FHOD3: variants seen among roughly 807,000 people sequenced by gnomAD.
FHOD3 encodes FH1/FH2 domain-containing protein 3.
Under a neutral mutation model 173.0 loss-of-function variants are expected in FHOD3, and 90 were observed. That is an observed-to-expected ratio of 0.52 (90% CI 0.44 to 0.62). FHOD3 has a LOEUF of 0.62. Ranked by LOEUF, FHOD3 falls within the 20% of genes least tolerant of loss-of-function variation. FHOD3 has a pLI of 0.00. For synonymous variants in FHOD3, 828 were observed against 823.0 expected, an observed-to-expected ratio of 1.01 and a Z score of -0.10; for missense variants, 1,945 against 2,034.7, an observed-to-expected ratio of 0.96 and a Z score of 0.85.
In FHOD3 at chr18:36,410,506, T is replaced by C. The variant is rs550555316; in HGVS notation, c.337+37762T>C. On this transcript the variant is annotated intron_variant, in intron 3 of 28. Coordinates refer to ENST00000590592, the MANE Select transcript of FHOD3 (RefSeq NM_001281740.3). The stretch of plus-strand genomic sequence containing the variant: ...TGTGTTTTTACATTGCCTAGGCATG[T>C]ACCTAGAATGGGATGGTTAGATCAG... 1.8e-4 allele frequency among the ~76,000 whole-genome samples: 28 copies of C among 152,312 alleles called. 1 individual carries two copies. Among genetic ancestry groups the C allele is most frequent in the African/African-American group, 6.0e-4 (25 of 41,530 alleles).
intron 3 of FHOD3, among the ~76,000 whole-genome samples, chr18:36,472,586 C>CTTTT (rs2053343919): frequency 1.3e-5 from 2 of 152,148 alleles, no homozygotes; most frequent in Non-Finnish European, 2.9e-5. Flanking sequence ...TCCTCCCCAG[C>CTTTT]CCTAGGTAGC....
chr18:36,340,916 C>T (rs563204596), intron 1 of FHOD3, among the ~76,000 whole-genome samples: 5 of 152,262 alleles, frequency 3.3e-5, no homozygotes, highest in East Asian at 1.9e-4. Context: ...GGATTACAGG[C>T]GTGAGCCACC....
chr18:36,738,301 G>C (rs544878759), intron 20 of FHOD3, among the ~76,000 whole-genome samples: 2 of 152,308 alleles, frequency 1.3e-5, no homozygotes, highest in South Asian at 4.1e-4. Flanking sequence ...ATGTACAAGT[G>C]TTTGTGTCAA....
chr18:36,534,423 G>A (rs2056909720), intron 5 of FHOD3, among the ~76,000 whole-genome samples: 1 of 152,120 alleles, frequency 6.6e-6, no homozygotes, highest in Non-Finnish European at 1.5e-5. Flanking sequence ...AGAGGAACTG[G>A]TCCCCAACAA....
chr18:36,477,573 A>G (rs1348483029), intron 3 of FHOD3, among the ~76,000 whole-genome samples: 1 of 136,342 alleles, frequency 7.3e-6, no homozygotes, highest in Admixed American at 7.8e-5. Flanking sequence ...CTACCTACCT[A>G]CCTACCTACC....
At chr18:36,696,853 C>T (rs1427636103) in intron 17 of FHOD3, among the ~76,000 whole-genome samples, 1 of 152,202 alleles carries the variant, frequency 6.6e-6, no homozygotes, top group Non-Finnish European at 1.5e-5. Context: ...TCAGCCAGCC[C>T]AAAGTTTGGG....
intron 3 of FHOD3, among the ~76,000 whole-genome samples, chr18:36,457,211 T>C (rs2052270242): frequency 6.6e-6 from 1 of 152,124 alleles, no homozygotes; most frequent in Admixed American, 6.5e-5. Flanking sequence ...TGGTGCCCAC[T>C]CAGAAGACTT....
rs755728970 is a variant in FHOD3 at position 36,602,686 on chromosome 18, G to T, written c.731G>T (p.Trp244Leu). The T allele has an allele frequency of 3.1e-6, 5 of 1,613,810 alleles. No individual in the cohort carries two copies. The highest frequency in any genetic ancestry group is 4.2e-6 in the Non-Finnish European group (5 of 1,179,726). The change falls in exon 8 of 29, where the codon TGG becomes TTG. Residue 244 changes from tryptophan to leucine, a missense_variant. Around this residue, in one of 5 missense-constraint regions of FHOD3, gnomAD observed 1,099 missense variants for 1,051.2 expected, o/e 1.05. Coordinates refer to ENST00000590592, the MANE Select transcript of FHOD3 (RefSeq NM_001281740.3). ...GCTTTACTCATAGGGGTCAAACCTT[G>T]GTCAAATATCATGGAAATCCTGGAG... Reference protein sequence around the residue: ...AVDTKRGVKPWSNIMEILEEK... With the variant: ...AVDTKRGVKPLSNIMEILEEK...
intron 3 of FHOD3, among the ~76,000 whole-genome samples, chr18:36,414,342 C>A (rs772863684): frequency 6.6e-6 from 1 of 152,218 alleles, no homozygotes; most frequent in Non-Finnish European, 1.5e-5. Context: ...AGATTGAAAA[C>A]CAAATCCTAC....
Position 36,298,120 on chromosome 18 carries a change from C to T in FHOD3, c.165+120C>T, listed in dbSNP as rs4438379. On this transcript the variant is annotated intron_variant, in intron 1 of 28. Coordinates refer to ENST00000590592, the MANE Select transcript of FHOD3 (RefSeq NM_001281740.3). ...CTGGGCTGGGCGCGGCCCGGGGGGA[C>T]CATCGCTCGAGGGCAAATCCCCCTC... 304,249 of 875,096 alleles carry T rather than the reference C, an allele frequency of 0.35. 59,418 individuals are homozygous for T. The highest frequency in any genetic ancestry group is 0.39 in the Non-Finnish European group (245,554 of 623,840). The allele number at this position is 875,096 out of a possible 1,614,324, so 54.2% of individuals were successfully genotyped here. A position where few individuals can be genotyped will look rare whatever the true frequency, so the allele number is the denominator to read the frequency against.
chr18:36,371,707 C>T (rs897765968), intron 2 of FHOD3, among the ~76,000 whole-genome samples: 3 of 152,184 alleles, frequency 2.0e-5, no homozygotes, highest in Non-Finnish European at 2.9e-5. Context: ...GTATTAGTAG[C>T]GTGCCTTGGT....
chr18:36,312,394 C>T lies in FHOD3; in HGVS notation c.165+14394C>T, dbSNP rs376835076. 9.9e-5 allele frequency among the ~76,000 whole-genome samples: 15 copies of T among 152,168 alleles called. No individual in the cohort carries two copies. In the East Asian group the frequency reaches 1.9e-3, roughly 20 times the overall value. On this transcript the variant is annotated intron_variant, in intron 1 of 28. Coordinates refer to ENST00000590592, the MANE Select transcript of FHOD3 (RefSeq NM_001281740.3). ...TCTGACGACCCCCTAGAGCTGACCC[C>T]TGGCTCAGCTCTCTCTGGGCTCTGA... is the stretch of plus-strand genomic sequence containing the variant.
Position 36,717,984 on chromosome 18 carries a change from C to G in FHOD3, c.2686C>G (p.Gln896Glu). The change falls in exon 19 of 29, where the codon CAG (glutamine) becomes GAG (glutamate). Residue 896 changes from glutamine (Q) to glutamate (E), a missense_variant. This residue lies in a region of FHOD3 where 1,099 missense variants were observed against 1,051.2 expected (regional missense o/e 1.05). Coordinates refer to ENST00000590592, the MANE Select transcript of FHOD3 (RefSeq NM_001281740.3). ...EKGDGEAGRT[Q>E]QEAEAVASLA... ...GGGGGATGGGGAGGCTGGGAGGACCCAGCAGGAGGCAGAGGCGGTAGCCAG... is the reference window on the plus strand; with the variant it reads ...GGGGGATGGGGAGGCTGGGAGGACCGAGCAGGAGGCAGAGGCGGTAGCCAG... The G allele has an allele frequency of 1.2e-6, 2 of 1,613,340 alleles. No individual in the cohort carries two copies. Among genetic ancestry groups the G allele is most frequent in the South Asian group, 2.2e-5 (2 of 90,898 alleles).
intron 6 of FHOD3, among the ~76,000 whole-genome samples, chr18:36,582,772 A>G (rs1168042954): frequency 6.6e-6 from 1 of 152,242 alleles, no homozygotes; most frequent in East Asian, 1.9e-4. Context: ...TCATTCTTCC[A>G]CAAATCCCAC....
intron 20 of FHOD3, among the ~76,000 whole-genome samples, chr18:36,737,650 G>A (rs2041705309): frequency 6.6e-6 from 1 of 152,184 alleles, no homozygotes; most frequent in Non-Finnish European, 1.5e-5. Flanking sequence ...CAGCCTGAAT[G>A]CACATCTGCA....
intron 3 of FHOD3, among the ~76,000 whole-genome samples, chr18:36,381,712 T>C (rs1461004765): frequency 6.6e-6 from 1 of 152,212 alleles, no homozygotes; most frequent in Non-Finnish European, 1.5e-5. Flanking sequence ...TTATTTGTTG[T>C]TAAAGAAAGA....
chr18:36,515,044 C>T (rs150311408), intron 5 of FHOD3, among the ~76,000 whole-genome samples: 1 of 152,288 alleles, frequency 6.6e-6, no homozygotes, highest in Non-Finnish European at 1.5e-5. Flanking sequence ...CTCCCACCAG[C>T]GGCCTGCAGG....
rs965697522 is a variant in FHOD3 at position 36,407,072 on chromosome 18, T to C, written c.337+34328T>C. On this transcript the variant is annotated intron_variant, in intron 3 of 28. Coordinates refer to ENST00000590592, the MANE Select transcript of FHOD3 (RefSeq NM_001281740.3). ...GACCAACTGATCAGTGGTAAAGATA[T>C]GCCTGCTGTCCTCTGCTTTCCCTGT... is the stretch of plus-strand genomic sequence containing the variant. Among the ~76,000 whole-genome samples, 4 of 152,328 alleles carry C rather than the reference T, an allele frequency of 2.6e-5. No homozygotes were observed. The East Asian group carries it at 7.7e-4, about 29-fold the overall frequency.
intron 5 of FHOD3, among the ~76,000 whole-genome samples, chr18:36,546,769 T>C (rs1398183447): frequency 1.3e-5 from 2 of 152,194 alleles, no homozygotes; most frequent in Non-Finnish European, 1.5e-5. Flanking sequence ...TTACCAGAGC[T>C]GTGAGGGGAC....
Sources: allele counts gnomAD v4.1 joint callset (sites outside exome capture counted in the v4.1 genomes callset), GRCh38; gene constraint gnomAD v4.1.1; regional missense constraint gnomAD v4.1.1; transcripts MANE v1.5; gene names NCBI Gene and HGNC (gene_info 2026-07-23, HGNC 2026-07-21).